Variants in CDHR1 observed in about 807,000 individuals in gnomAD.
CDHR1 encodes cadherin related family member 1.
In CDHR1, 61 loss-of-function variants were observed where a neutral mutation model predicts 72.1. That is an observed-to-expected ratio of 0.85 (90% CI 0.69 to 1.05). CDHR1 has a LOEUF of 1.05. Among genes scored for constraint, CDHR1 ranks in the 50% least tolerant of loss-of-function variants. CDHR1 has a pLI of 0.00. For synonymous variants in CDHR1, 470 were observed against 448.1 expected (o/e 1.05, Z -0.62); for missense variants, 1,186 against 1,115.7 (o/e 1.06, Z -0.90).
At position 84,214,657 on chromosome 10, in the gene CDHR1, CT is replaced by C. The variant is rs750843150; in HGVS notation, c.*37del. 3 of 1,599,200 alleles carry C rather than the reference CT, an allele frequency of 1.9e-6. No homozygotes were observed. Among genetic ancestry groups the C allele is most frequent in the South Asian group, 2.2e-5 (2 of 91,030 alleles). ...ATGACCCCCCATCTTTCCTCCGCCC[CT>C]GACCCCCACCACCCTGCTGCTCGGA... On this transcript the variant is annotated 3_prime_UTR_variant, in exon 17 of 17. Coordinates refer to ENST00000623527, the MANE Select transcript of CDHR1 (RefSeq NM_033100.4).
chr10:84,216,214 C>A lies in CDHR1; in HGVS notation c.*1593C>A. 1 of 985,502 alleles carries A rather than the reference C, an allele frequency of 1.0e-6. No individual in the cohort carries two copies. The highest frequency in any genetic ancestry group is 4.7e-5 in the South Asian group (1 of 21,290). The allele number at this position is 985,502 out of a possible 1,614,324, so 61.0% of individuals were successfully genotyped here. ...CCCCTCTAGAATACATTGGTGATTT[C>A]ATTTAAAGAGATTGTATGCATTTGT... On this transcript the variant is annotated 3_prime_UTR_variant, in exon 17 of 17. Transcript: ENST00000623527.
Position 84,214,408 on chromosome 10 carries a change from G to A in CDHR1, c.2367G>A (p.Pro789=), listed in dbSNP as rs150097621. ...ACAGCCCAGAAAGCTCTCTGCTCCCGAGAGCTCCGGCTCTCCCTCCACCAC... is the reference window on the plus strand; with the variant it reads ...ACAGCCCAGAAAGCTCTCTGCTCCCAAGAGCTCCGGCTCTCCCTCCACCAC... ...NNNSPESSLL[P]RAPALPPPPS... The change falls in exon 17 of 17, where the codon CCG becomes CCA. Residue 789 remains proline (P), a synonymous_variant. Transcript: ENST00000623527. 768 of 1,613,590 alleles carry A rather than the reference G, an allele frequency of 4.8e-4. No homozygotes were observed. The highest frequency in any genetic ancestry group is 5.9e-4 in the Non-Finnish European group (694 of 1,180,024).
intron 4 of CDHR1, 59 bp downstream of exon 4, chr10:84,197,895 G>A (rs1418239641): frequency 5.3e-6 from 8 of 1,513,220 alleles, no homozygotes; most frequent in Admixed American, 1.7e-5. Flanking sequence ...TGAGAAGGGT[G>A]AGGCTGGCAC....
chr10:84,202,892 G>A, intron 7 of CDHR1, 88 bp from the exon 8 acceptor site: 1 of 1,483,258 alleles, frequency 6.7e-7, no homozygotes, highest in Non-Finnish European at 9.4e-7. Flanking sequence ...CACAGCCATA[G>A]GTGGCAGAAG....
In CDHR1 at chr10:84,217,324, TGG is replaced by T. The variant is rs1402426725; in HGVS notation, c.*2704_*2705del. 9.6e-5 allele frequency: 95 copies of T among 985,356 alleles called. No homozygotes were observed. Among genetic ancestry groups the T allele is most frequent in the Middle Eastern group, 1.0e-3 (2 of 1,936 alleles). 61.0% of individuals were successfully genotyped at this position (985,356 alleles called of 1,614,324 possible). On this transcript the variant is annotated 3_prime_UTR_variant, in exon 17 of 17. Transcript: ENST00000623527. The stretch of plus-strand genomic sequence containing the variant: ...GCTTGCCCATTCCTGGCCCTGAGAA[TGG>T]AGCTGTAGCCTCATGGACAATAAAT...
chr10:84,215,109 G>GCC lies in CDHR1; in HGVS notation c.*488_*489insCC. On this transcript the variant is annotated 3_prime_UTR_variant, in exon 17 of 17. Transcript: ENST00000623527. ...GGAGGCTCAGCACTGTCTCAGGCTG[G>GCC]AGGTCAGCGAACCTCGTGGGCTGTA... 2 of 1,029,332 alleles carry GCC rather than the reference G, an allele frequency of 1.9e-6. No homozygotes were observed. Among genetic ancestry groups the GCC allele is most frequent in the Non-Finnish European group, 2.3e-6 (2 of 856,330 alleles). The allele number at this position is 1,029,332 out of a possible 1,614,324, so 63.8% of individuals were successfully genotyped here.
chr10:84,211,503 G>C, intron 13 of CDHR1, 145 bp from the exon 14 acceptor site: 1 of 743,488 alleles, frequency 1.3e-6, no homozygotes, highest in South Asian at 1.6e-5. Flanking sequence ...TAGGGATCCC[G>C]GGCAGGTCTC....
intron 1 of CDHR1, 35 bp from the exon 2 acceptor site, chr10:84,195,444 TCTGGGTGTCCTTTGC>T: frequency 6.5e-7 from 1 of 1,530,804 alleles, no homozygotes. Context: ...CCTCCTGGTG[TCTGGGTGTCCTTTGC>T]CTGGGTGTCC....
intron 15 of CDHR1, 91 bp from the exon 16 acceptor site, chr10:84,213,000 C>A (rs944786718): frequency 1.3e-6 from 2 of 1,512,032 alleles, no homozygotes; most frequent in Non-Finnish European, 1.8e-6. Context: ...TTCCCATCAA[C>A]CCAGCAAGCC....
Position 84,211,034 on chromosome 10 carries a change from T to C in CDHR1, c.1354T>C (p.Phe452Leu), listed in dbSNP as rs112631930. 1.5e-4 allele frequency: 235 copies of C among 1,614,152 alleles called. 2 individuals are homozygous for C. Among genetic ancestry groups the C allele is most frequent in the Middle Eastern group, 9.9e-4 (6 of 6,062 alleles). Residue 452 changes from phenylalanine to leucine, a missense_variant, in exon 13 of 17, where the codon TTC becomes CTC. Transcript: ENST00000623527. Reference protein sequence around the residue: ...LAVEVNTPEKFSSTADVVIQL... With the variant: ...LAVEVNTPEKLSSTADVVIQL... ...TGTTGAAGTGAACACCCCAGAGAAG[T>C]TCAGTTCCACAGCGGATGTTGTGAT...
downstream of CDHR1, chr10:84,219,068 C>A (rs1165576862): frequency 2.2e-6 from 2 of 910,834 alleles, no homozygotes; most frequent in Non-Finnish European, 1.7e-6. Context: ...TATTATTATT[C>A]TATTTTATAG....
In CDHR1 at chr10:84,214,187, A is replaced by G; in HGVS notation, c.2146A>G (p.Thr716Ala). ...AGTMATVVAITVLISTATFWR... is the reference protein window; with the variant it reads ...AGTMATVVAIAVLISTATFWR... ...CACCATGGCCACCGTCGTGGCCATC[A>G]CTGTCCTCATCTCCACCGCCACCTT... Residue 716 changes from threonine (T) to alanine (A), a missense_variant, in exon 17 of 17, where the codon ACT becomes GCT. Transcript: ENST00000623527. The G allele has an allele frequency of 1.2e-6, 2 of 1,614,118 alleles. No individual in the cohort carries two copies.
At chr10:84,203,735 C>A (rs1842173843) in intron 8 of CDHR1, among the ~76,000 whole-genome samples, 3 of 152,190 alleles carry the variant, frequency 2.0e-5, no homozygotes, top group South Asian at 4.1e-4. Flanking sequence ...CTTTACAAAG[C>A]AAAATGAAAC....
At position 84,202,938 on chromosome 10, in the gene CDHR1, C is replaced by T. The variant is rs749348247; in HGVS notation, c.640-42C>T. On this transcript the variant is annotated intron_variant, in intron 7 of 16. Coordinates refer to ENST00000623527, the MANE Select transcript of CDHR1 (RefSeq NM_033100.4). ...ACGGATTCTGTCCAATTCCACATCT[C>T]AACTTGTCTTCACTCTCCTGTGGCC... 1.9e-6 allele frequency: 3 copies of T among 1,613,576 alleles called. No individual in the cohort carries two copies. The South Asian group carries it at 3.3e-5, about 18-fold the overall frequency.
At chr10:84,200,825 G>A in intron 6 of CDHR1, 138 bp downstream of exon 6, 1 of 690,048 alleles carries the variant, frequency 1.4e-6, no homozygotes, top group Admixed American at 2.1e-5. Flanking sequence ...GGGATGGGCA[G>A]GAGGGGATGT....
At chr10:84,210,961 G>A in intron 12 of CDHR1, 40 bp from the exon 13 acceptor site, 1 of 1,610,866 alleles carries the variant, frequency 6.2e-7, no homozygotes, top group Middle Eastern at 1.7e-4. Flanking sequence ...TGCAGCATGA[G>A]TGCCTACCCA....
rs1842456392 is a variant in CDHR1, at chr10:84,218,171, G to A, written c.*3550G>A. On this transcript the variant is annotated 3_prime_UTR_variant, in exon 17 of 17. Coordinates refer to ENST00000623527, the MANE Select transcript of CDHR1 (RefSeq NM_033100.4). ...GAGAAGATGCCACATGAGGAATGAG[G>A]CAGGAGACTGGCATGTGCCACATGG... The A allele has an allele frequency of 2.0e-6, 2 of 985,356 alleles. No homozygotes were observed. Among genetic ancestry groups the A allele is most frequent in the South Asian group, 4.7e-5 (1 of 21,290 alleles). 61.0% of individuals were successfully genotyped at this position (985,356 alleles called of 1,614,324 possible). A position where few individuals can be genotyped will look rare whatever the true frequency, so the allele number is the denominator to read the frequency against.
intron 3 of CDHR1, 118 bp from the exon 4 acceptor site, chr10:84,197,668 A>G (rs1842052183): frequency 3.2e-6 from 3 of 924,396 alleles, no homozygotes. Context: ...CCAGGGATCT[A>G]TTGGCACGCC....
chr10:84,200,521 G>C (rs1842104248), intron 5 of CDHR1, 80 bp from the exon 6 acceptor site: 1 of 926,096 alleles, frequency 1.1e-6, no homozygotes, highest in African/African-American at 1.6e-5. Context: ...CGACCCCACT[G>C]CTGCATGCCC....
Sources: gnomAD v4.1 joint callset for allele counts (sites outside exome capture counted in the v4.1 genomes callset) on GRCh38, gnomAD v4.1.1 for gene constraint, MANE v1.5 for transcripts, NCBI Gene and HGNC (gene_info 2026-07-23, HGNC 2026-07-21) for gene names.